Variants in RPTOR observed in about 807,000 individuals in gnomAD.
RPTOR encodes regulatory associated protein of MTOR complex 1.
RPTOR carries 21 observed loss-of-function variants against 169.9 expected under a neutral mutation model. The observed-to-expected ratio is 0.12, with a 90% CI of 0.09 to 0.18. The LOEUF (loss-of-function observed/expected upper bound fraction) is 0.18, where lower values mean the gene tolerates loss of function less well. RPTOR is among the 10% of genes least tolerant of loss of function. The pLI is 1.00. For synonymous variants in RPTOR, 732 were observed against 753.2 expected (o/e 0.97, Z 0.46); for missense variants, 1,133 against 1,855.9 (o/e 0.61, Z 7.16).
chr17:80,546,744 G>A (rs959538811), intron 1 of RPTOR, among the ~76,000 whole-genome samples: 3 of 152,136 alleles, frequency 2.0e-5, no homozygotes, highest in Non-Finnish European at 2.9e-5. Flanking sequence ...AGTATATGAT[G>A]TTGAACATAT....
chr17:80,831,727 C>G (rs2067505687), intron 9 of RPTOR, among the ~76,000 whole-genome samples: 1 of 151,894 alleles, frequency 6.6e-6, no homozygotes, highest in Non-Finnish European at 1.5e-5. Flanking sequence ...CCCTGTGTGT[C>G]ACTGTGTCAC....
At chr17:80,934,387 C>A (rs564105653) in intron 24 of RPTOR, among the ~76,000 whole-genome samples, 61 of 152,258 alleles carry the variant, frequency 4.0e-4, no homozygotes, top group African/African-American at 1.5e-3. Flanking sequence ...GAGATGGGGT[C>A]TCATTCTGTT....
chr17:80,716,484 G>C (rs1461422071), intron 4 of RPTOR, among the ~76,000 whole-genome samples: 1 of 152,036 alleles, frequency 6.6e-6, no homozygotes, highest in Non-Finnish European at 1.5e-5. Flanking sequence ...TGTCAGTTGT[G>C]TAGATTGTTA....
chr17:80,922,810 G>T lies in RPTOR; in HGVS notation c.2607G>T (p.Val869=). Residue 869 remains valine, a synonymous_variant, in exon 22 of 34, where the codon GTG becomes GTT. Transcript: ENST00000306801. ...CCGCCAGCCCCACCAACAAGGGCGT[G>T]CACATCCACCAGGCGGGGTAAGTGC... is the stretch of plus-strand genomic sequence containing the variant. ...SAPASPTNKG[V]HIHQAGGSPP... 1 of 1,580,156 alleles carries T rather than the reference G, an allele frequency of 6.3e-7. No individual in the cohort carries two copies.
At chr17:80,924,530 C>T (rs1253864557) in intron 23 of RPTOR, among the ~76,000 whole-genome samples, 6 of 152,178 alleles carry the variant, frequency 3.9e-5, no homozygotes, top group African/African-American at 1.4e-4. Context: ...TGCTCAGCCC[C>T]AGCCCACCTG....
intron 6 of RPTOR, chr17:80,773,986 G>A: frequency 1.0e-6 from 1 of 985,410 alleles, no homozygotes; most frequent in South Asian, 4.7e-5. Flanking sequence ...CCTCTTCTCG[G>A]GCTGTCAGAA....
chr17:80,847,047 G>A (rs528048540), intron 11 of RPTOR, among the ~76,000 whole-genome samples: 8 of 152,394 alleles, frequency 5.2e-5, no homozygotes, highest in Middle Eastern at 3.4e-3. Flanking sequence ...CTCCCTGAGC[G>A]GATACTGACC....
intron 6 of RPTOR, among the ~76,000 whole-genome samples, chr17:80,764,119 TATTTTATTTTA>T (rs1243423643): frequency 5.3e-5 from 2 of 37,918 alleles, no homozygotes; most frequent in Non-Finnish European, 9.1e-5. Context: ...CTTCTTTTGT[TATTTTATTTTA>T]TTTTATTTTA....
intron 7 of RPTOR, among the ~76,000 whole-genome samples, chr17:80,799,866 C>G (rs1363489333): frequency 6.6e-6 from 1 of 152,216 alleles, no homozygotes; most frequent in Admixed American, 6.5e-5. Context: ...CATAACGTGA[C>G]AGATGGGCAG....
At chr17:80,961,368 C>T (rs370752901) in intron 30 of RPTOR, 26 bp from the exon 31 acceptor site, 37 of 1,539,686 alleles carry the variant, frequency 2.4e-5, no homozygotes, top group East Asian at 4.9e-5. Flanking sequence ...GGAAGCCCCA[C>T]GCTGAGCGTG....
chr17:80,699,822 G>T (rs1318609403), intron 3 of RPTOR, among the ~76,000 whole-genome samples: 1 of 150,070 alleles, frequency 6.7e-6, no homozygotes, highest in Non-Finnish European at 1.5e-5. Flanking sequence ...CAGTGATGGG[G>T]AGCTAGAGGT....
At chr17:80,867,209 A>T (rs750783456) in intron 13 of RPTOR, among the ~76,000 whole-genome samples, 4 of 152,216 alleles carry the variant, frequency 2.6e-5, no homozygotes, top group African/African-American at 9.6e-5. Context: ...GGATTGAAAA[A>T]TCAATGGATG....
At chr17:80,669,681 C>T (rs1422918143) in intron 3 of RPTOR, among the ~76,000 whole-genome samples, 1 of 152,250 alleles carries the variant, frequency 6.6e-6, no homozygotes, top group Non-Finnish European at 1.5e-5. Flanking sequence ...CCGCGCCCGG[C>T]CCAGTAGTTC....
intron 1 of RPTOR, among the ~76,000 whole-genome samples, chr17:80,587,780 T>TA (rs1413609646): frequency 1.3e-5 from 2 of 152,172 alleles, no homozygotes; most frequent in African/African-American, 2.4e-5. Context: ...GTATCTTTTT[T>TA]TTTTTTGGTG....
chr17:80,791,861 T>C (rs959940250), intron 7 of RPTOR, among the ~76,000 whole-genome samples: 1 of 152,184 alleles, frequency 6.6e-6, no homozygotes, highest in African/African-American at 2.4e-5. Context: ...GCTCTTACCT[T>C]ATTTTCTGAA....
At chr17:80,905,616 A>G (rs1443135123) in intron 20 of RPTOR, among the ~76,000 whole-genome samples, 1 of 150,696 alleles carries the variant, frequency 6.6e-6, no homozygotes, top group African/African-American at 2.4e-5. Context: ...AAAAAAAGTT[A>G]GATGAAAGTA....
chr17:80,721,730 G>GA lies in RPTOR; in HGVS notation c.508-8824dup, dbSNP rs1250178674. Among the ~76,000 whole-genome samples, 1 of 151,160 alleles carries GA rather than the reference G, an allele frequency of 6.6e-6. No individual in the cohort carries two copies. The highest frequency in any genetic ancestry group is 1.5e-5 in the Non-Finnish European group (1 of 67,986). ...GATGAAATATTTTGGTTAATCCACT[G>GA]AAAAAATGAATGTTGAGGAACACAG... is the stretch of plus-strand genomic sequence containing the variant. On this transcript the variant is annotated intron_variant, in intron 4 of 33. Transcript: ENST00000306801. This position sits in a 1 kb window ranked among gnomAD's most constrained non-coding sequence, Gnocchi z 4.7.
intron 7 of RPTOR, among the ~76,000 whole-genome samples, chr17:80,793,924 G>A (rs1417207197): frequency 6.6e-6 from 1 of 152,230 alleles, no homozygotes. Context: ...TAGAGCTCAG[G>A]TCTCAGGACA....
intron 6 of RPTOR, among the ~76,000 whole-genome samples, chr17:80,767,288 T>C (rs533568093): frequency 1.6e-4 from 25 of 152,290 alleles, no homozygotes; most frequent in Admixed American, 8.5e-4. Context: ...GGAGGATCAC[T>C]GGGAGGCATT....
Sources: gnomAD v4.1 joint callset for allele counts (sites outside exome capture counted in the v4.1 genomes callset) on GRCh38, gnomAD v4.1.1 for gene constraint, Gnocchi (gnomAD v3.1) non-coding constraint, MANE v1.5 for transcripts, NCBI Gene and HGNC (gene_info 2026-07-23, HGNC 2026-07-21) for gene names.